The following SETBP1 variants were observed in gnomAD, a reference collection of about 807,000 sequenced individuals.
The protein encoded by SETBP1 is SET binding protein 1.
Under a neutral mutation model 101.0 loss-of-function variants are expected in SETBP1, and 9 were observed. That is an observed-to-expected ratio of 0.09 (90% CI 0.05 to 0.16). The LOEUF is 0.16. Among genes scored for constraint, SETBP1 ranks in the 10% least tolerant of loss-of-function variants. The pLI is 1.00. For missense variants in SETBP1, 1,858 were observed against 2,033.8 expected, an observed-to-expected ratio of 0.91 and a Z score of 1.66; for synonymous variants, 818 against 788.5, an observed-to-expected ratio of 1.04 and a Z score of -0.63.
chr18:45,063,306 G>A lies in SETBP1; in HGVS notation c.4399G>A (p.Asp1467Asn). The stretch of plus-strand genomic sequence containing the variant: ...GAAGCAGCCCACCCAGTTCGATGAG[G>A]ACTCCAGAGACCAAATGCCGGTGCT... ...PRKQPTQFDE[D>N]SRDQMPVLEK... Residue 1467 changes from aspartate to asparagine, a missense_variant, in exon 6 of 6, where the codon GAC becomes AAC. Physicochemically the swap from Asp to Asn is conservative, Grantham distance 23. Around this residue, in one of 12 missense-constraint regions of SETBP1, gnomAD observed 178 missense variants for 189.1 expected, o/e 0.94. Transcript: ENST00000649279. The A allele has an allele frequency of 6.2e-7, 1 of 1,604,452 alleles. No individual in the cohort carries two copies. The highest frequency in any genetic ancestry group is 8.5e-7 in the Non-Finnish European group (1 of 1,175,288).
rs544346498 is a variant in SETBP1 at position 45,059,722 on chromosome 18, T to C, written c.4172-3357T>C. Among the ~76,000 whole-genome samples, 3 of 152,226 alleles carry C rather than the reference T, an allele frequency of 2.0e-5. No individual in the cohort carries two copies. The South Asian group carries it at 6.3e-4, about 32-fold the overall frequency. On this transcript the variant is annotated intron_variant, in intron 5 of 5. Coordinates refer to ENST00000649279, the MANE Select transcript of SETBP1 (RefSeq NM_015559.3). Reference sequence around the variant, plus strand: ...CAGTTTCTCAGTCACACCAGCCACATTTTAAGTGCTCAGTAGCCACAAGTG... The same window carrying C: ...CAGTTTCTCAGTCACACCAGCCACACTTTAAGTGCTCAGTAGCCACAAGTG...
intron 3 of SETBP1, among the ~76,000 whole-genome samples, chr18:44,880,788 G>C (rs907181369): frequency 2.0e-5 from 3 of 152,112 alleles, no homozygotes; most frequent in Non-Finnish European, 4.4e-5. Context: ...TCACCAAGAG[G>C]ACAGCCCAAG....
chr18:44,968,454 A>C (rs1567999025), intron 4 of SETBP1, among the ~76,000 whole-genome samples: 1 of 152,174 alleles, frequency 6.6e-6, no homozygotes, highest in Admixed American at 6.5e-5. Flanking sequence ...TCAGTGGTAA[A>C]TTCATCTATG....
chr18:44,764,378 G>T (rs2070721798), intron 2 of SETBP1, among the ~76,000 whole-genome samples: 1 of 152,194 alleles, frequency 6.6e-6, no homozygotes, highest in Non-Finnish European at 1.5e-5. Context: ...AAAACTCACA[G>T]ATCTCTCCCC....
At position 45,061,496 on chromosome 18, in the gene SETBP1, G is replaced by T. The variant is rs1349615447; in HGVS notation, c.4172-1583G>T. On this transcript the variant is annotated intron_variant, in intron 5 of 5. Transcript: ENST00000649279. ...TTTGATCTTTATAACTTATTTTAAA[G>T]ATCATTCAGTAGTTATTCATTGCTC... 2.0e-5 allele frequency among the ~76,000 whole-genome samples: 3 copies of T among 152,152 alleles called. No homozygotes were observed. The East Asian group carries it at 5.8e-4, about 29-fold the overall frequency.
chr18:44,684,025 G>A (rs2068798194), intron 1 of SETBP1, among the ~76,000 whole-genome samples: 1 of 152,194 alleles, frequency 6.6e-6, no homozygotes, highest in African/African-American at 2.4e-5. Context: ...GGTGGTGGGA[G>A]CACAGGAGGC....
intron 3 of SETBP1, chr18:44,876,659 G>T (rs929352953): frequency 6.4e-7 from 1 of 1,551,300 alleles, no homozygotes; most frequent in Non-Finnish European, 8.7e-7. Context: ...CGTGCCATGT[G>T]CTTCTCATGC....
intron 3 of SETBP1, among the ~76,000 whole-genome samples, chr18:44,907,072 A>G (rs561678650): frequency 3.9e-5 from 6 of 152,126 alleles, no homozygotes; most frequent in Non-Finnish European, 8.8e-5. Flanking sequence ...TTCTGTTCCC[A>G]TACATTTGCC....
At chr18:44,690,958 T>C (rs944953495) in intron 1 of SETBP1, among the ~76,000 whole-genome samples, 1 of 152,216 alleles carries the variant, frequency 6.6e-6, no homozygotes, top group Admixed American at 6.5e-5. Context: ...TTTACCTTTT[T>C]TTCCTGCAAG....
chr18:44,708,718 T>C (rs1179565420), intron 2 of SETBP1, among the ~76,000 whole-genome samples: 1 of 147,966 alleles, frequency 6.8e-6, no homozygotes. Flanking sequence ...TCCCTGCTTC[T>C]CAGCTTCTAC....
At position 44,688,428 on chromosome 18, in the gene SETBP1, T is replaced by C. The variant is rs191279578; in HGVS notation, c.-173+7407T>C. 1.6e-3 allele frequency among the ~76,000 whole-genome samples: 241 copies of C among 152,146 alleles called. 1 individual carries two copies. Among genetic ancestry groups the C allele is most frequent in the African/African-American group, 5.4e-3 (226 of 41,504 alleles). On this transcript the variant is annotated intron_variant, in intron 1 of 5. Coordinates refer to ENST00000649279, the MANE Select transcript of SETBP1 (RefSeq NM_015559.3). ...TGCGTGGCAAGTCCTGTACAGTTGT[T>C]GGTGTCTCTTTCTGTGACCTATTGT...
intron 2 of SETBP1, among the ~76,000 whole-genome samples, chr18:44,794,715 A>G (rs2071438160): frequency 1.3e-5 from 2 of 152,200 alleles, no homozygotes; most frequent in Admixed American, 1.3e-4. Context: ...CAAATAAACA[A>G]CAGGAAGATT....
intron 3 of SETBP1, among the ~76,000 whole-genome samples, chr18:44,928,880 T>G (rs1204113723): frequency 1.3e-5 from 2 of 152,238 alleles, no homozygotes; most frequent in Non-Finnish European, 2.9e-5. Flanking sequence ...TTCTGTAGGT[T>G]GCCTGTTCAC....
intron 2 of SETBP1, among the ~76,000 whole-genome samples, chr18:44,805,432 GT>G (rs2071709733): frequency 6.6e-6 from 1 of 151,482 alleles, no homozygotes; most frequent in African/African-American, 2.4e-5. Flanking sequence ...GTGTGTGTGT[GT>G]GGGTGTGTTT....
chr18:44,952,405 C>T lies in SETBP1; in HGVS notation c.3065C>T (p.Pro1022Leu), dbSNP rs1362664483. 1 of 1,614,150 alleles carries T rather than the reference C, an allele frequency of 6.2e-7. No homozygotes were observed. The highest frequency in any genetic ancestry group is 1.1e-5 in the South Asian group (1 of 91,076). Reference sequence around the variant, plus strand: ...AAGTCAAAGAAGAAGCGTGGTAGGCCTGCAAAAACCAATGACACCATGACA... The same window carrying T: ...AAGTCAAAGAAGAAGCGTGGTAGGCTTGCAAAAACCAATGACACCATGACA... The part of the protein sequence containing the change: ...DLKSKKKRGR[P>L]AKTNDTMTKV... The change falls in exon 4 of 6, where the codon CCT (proline) becomes CTT (leucine). Residue 1022 changes from proline to leucine, a missense_variant. Pro to Leu is a moderately conservative substitution (Grantham distance 98). This residue lies in a region of SETBP1 where 255 missense variants were observed against 300.1 expected (regional missense o/e 0.85). Coordinates refer to ENST00000649279, the MANE Select transcript of SETBP1 (RefSeq NM_015559.3).
At chr18:45,031,053 G>A (rs1402967993) in intron 4 of SETBP1, among the ~76,000 whole-genome samples, 2 of 151,902 alleles carry the variant, frequency 1.3e-5, no homozygotes, top group African/African-American at 4.8e-5. Flanking sequence ...CCTTCTGCTA[G>A]CTTTTGAATG....
At chr18:44,840,588 G>T (rs949322694) in intron 2 of SETBP1, among the ~76,000 whole-genome samples, 1 of 152,208 alleles carries the variant, frequency 6.6e-6, no homozygotes, top group Non-Finnish European at 1.5e-5. Context: ...GATTTCACCA[G>T]CTGGAGTAAA....
At position 44,975,676 on chromosome 18, in the gene SETBP1, G is replaced by A. The variant is rs1182656415; in HGVS notation, c.4000+22336G>A. ...AAATATATGATTACTACATAACTTCGCATAGCTTTCAACATAATGAGGAGT... is the reference window on the plus strand; with the variant it reads ...AAATATATGATTACTACATAACTTCACATAGCTTTCAACATAATGAGGAGT... On this transcript the variant is annotated intron_variant, in intron 4 of 5. Coordinates refer to ENST00000649279, the MANE Select transcript of SETBP1 (RefSeq NM_015559.3). Among the ~76,000 whole-genome samples, 7 of 152,168 alleles carry A rather than the reference G, an allele frequency of 4.6e-5. 1 individual carries two copies. The highest frequency in any genetic ancestry group is 2.0e-4 in the Admixed American group (3 of 15,274).
chr18:44,789,621 G>A lies in SETBP1; in HGVS notation c.487-79609G>A, dbSNP rs141128491. On this transcript the variant is annotated intron_variant, in intron 2 of 5. Transcript: ENST00000649279. The stretch of plus-strand genomic sequence containing the variant: ...GGGTAGCAGTCCATCACCTCCCTGC[G>A]CTCTCGCTCCTGTTTTACTCTGCTT... 1.6e-3 allele frequency among the ~76,000 whole-genome samples: 238 copies of A among 152,220 alleles called. 2 individuals are homozygous for A. Among genetic ancestry groups the A allele is most frequent in the African/African-American group, 5.3e-3 (222 of 41,534 alleles).
Sources: allele counts gnomAD v4.1 joint callset (sites outside exome capture counted in the v4.1 genomes callset), GRCh38; gene constraint gnomAD v4.1.1; regional missense constraint gnomAD v4.1.1; transcripts MANE v1.5; gene names NCBI Gene and HGNC (gene_info 2026-07-23, HGNC 2026-07-21).